The following GRID2 variants were observed in gnomAD, a reference collection of about 807,000 sequenced individuals.
GRID2 encodes glutamate ionotropic receptor delta type subunit 2.
In GRID2, 33 loss-of-function variants were observed where a neutral mutation model predicts 114.8. That is an observed-to-expected ratio of 0.29 (90% CI 0.22 to 0.38). The LOEUF (loss-of-function observed/expected upper bound fraction) is 0.38. Ranked by LOEUF, GRID2 falls within the 10% of genes least tolerant of loss-of-function variation. The probability of loss-of-function intolerance (pLI) is 1.00; values close to 1 mark genes in which losing one functional copy is unlikely to be tolerated. For synonymous variants in GRID2, 505 were observed against 449.9 expected (o/e 1.12, Z -1.55); for missense variants, 1,184 against 1,257.7 (o/e 0.94, Z 0.89).
chr4:93,370,801 C>T (rs1013315006), intron 8 of GRID2, among the ~76,000 whole-genome samples: 18 of 152,228 alleles, frequency 1.2e-4, no homozygotes, highest in African/African-American at 4.3e-4. Context: ...GTTTTTTAGA[C>T]TATGACCACC....
At chr4:93,629,646 T>C (rs1482671384) in intron 14 of GRID2, among the ~76,000 whole-genome samples, 1 of 152,198 alleles carries the variant, frequency 6.6e-6, no homozygotes, top group Non-Finnish European at 1.5e-5. Context: ...CATATTACTA[T>C]TGTGATTATT....
chr4:92,740,104 A>C (rs2149330708), intron 2 of GRID2, among the ~76,000 whole-genome samples: 1 of 152,226 alleles, frequency 6.6e-6, no homozygotes, highest in Non-Finnish European at 1.5e-5. Flanking sequence ...TCTTCCTTTG[A>C]GATTTTCTTT....
At chr4:92,364,960 A>G (rs568079267) in intron 1 of GRID2, among the ~76,000 whole-genome samples, 2 of 152,204 alleles carry the variant, frequency 1.3e-5, no homozygotes, top group African/African-American at 4.8e-5. Flanking sequence ...TTCCTTCATC[A>G]ATTTTTAAGA....
At chr4:93,528,586 C>T (rs1365357503) in intron 13 of GRID2, among the ~76,000 whole-genome samples, 7 of 152,076 alleles carry the variant, frequency 4.6e-5, no homozygotes, top group Non-Finnish European at 1.0e-4. Flanking sequence ...TCACATTATG[C>T]TCCAATAAAA....
intron 14 of GRID2, among the ~76,000 whole-genome samples, chr4:93,749,447 G>A (rs980577438): frequency 1.3e-4 from 20 of 152,282 alleles, no homozygotes; most frequent in African/African-American, 4.6e-4. Context: ...CATAGCTTCT[G>A]TGCTTCATAG....
At chr4:93,285,539 C>G (rs112558160) in intron 8 of GRID2, among the ~76,000 whole-genome samples, 2 of 151,984 alleles carry the variant, frequency 1.3e-5, no homozygotes, top group Admixed American at 1.3e-4. Flanking sequence ...AAATAGCTGA[C>G]ACTGTGAAAT....
chr4:92,637,152 T>G (rs1731104162), intron 2 of GRID2, among the ~76,000 whole-genome samples: 1 of 151,634 alleles, frequency 6.6e-6, no homozygotes, highest in Non-Finnish European at 1.5e-5. Flanking sequence ...TTTGAATAAT[T>G]GCCTTTCAAA....
rs181824355 is a variant in GRID2 at position 92,393,958 on chromosome 4, A to G, written c.88+89214A>G. Among the ~76,000 whole-genome samples the G allele has an allele frequency of 2.6e-5, 4 of 152,240 alleles. No homozygotes were observed. In the East Asian group the frequency reaches 7.7e-4, roughly 29 times the overall value. Reference sequence around the variant, plus strand: ...ATACTGGTACTGGTCACTGGTTACCACTTTTAACTGAAAGGAACTTGAGTG... The same window carrying G: ...ATACTGGTACTGGTCACTGGTTACCGCTTTTAACTGAAAGGAACTTGAGTG... On this transcript the variant is annotated intron_variant, in intron 1 of 15. Transcript: ENST00000282020.
chr4:92,706,943 G>A (rs1734984416), intron 2 of GRID2, among the ~76,000 whole-genome samples: 2 of 151,780 alleles, frequency 1.3e-5, no homozygotes, highest in Admixed American at 6.6e-5. Flanking sequence ...TCACCAATTC[G>A]ACATACTATA....
chr4:92,435,271 C>T (rs146621600), intron 1 of GRID2, among the ~76,000 whole-genome samples: 5 of 152,236 alleles, frequency 3.3e-5, no homozygotes, highest in African/African-American at 1.2e-4. Context: ...TTATTTCAAC[C>T]TGAGTGTAGC....
chr4:93,704,079 C>T (rs1432441040), intron 14 of GRID2, among the ~76,000 whole-genome samples: 1 of 152,158 alleles, frequency 6.6e-6, no homozygotes, highest in Non-Finnish European at 1.5e-5. Context: ...ACACTGACTT[C>T]CACAATGGTT....
intron 1 of GRID2, among the ~76,000 whole-genome samples, chr4:92,385,182 T>C (rs1159763079): frequency 6.6e-6 from 1 of 151,864 alleles, no homozygotes; most frequent in Non-Finnish European, 1.5e-5. Flanking sequence ...ACAGTTAGGA[T>C]GCACCTATTC....
At chr4:93,199,221 G>C (rs754857603) in intron 4 of GRID2, among the ~76,000 whole-genome samples, 19 of 152,106 alleles carry the variant, frequency 1.2e-4, no homozygotes, top group Non-Finnish European at 2.8e-4. Flanking sequence ...AACTCACAGA[G>C]AATTAAAGAC....
intron 4 of GRID2, among the ~76,000 whole-genome samples, chr4:93,149,463 C>T (rs1388218761): frequency 6.6e-6 from 1 of 151,734 alleles, no homozygotes; most frequent in Admixed American, 6.6e-5. Flanking sequence ...GTAGTCTCAG[C>T]TACTTGGGAG....
At chr4:93,250,972 G>A (rs1029289763) in intron 8 of GRID2, among the ~76,000 whole-genome samples, 1 of 151,722 alleles carries the variant, frequency 6.6e-6, no homozygotes, top group Non-Finnish European at 1.5e-5. Context: ...TTTTTACTAG[G>A]ACCTTAAACA....
At chr4:93,237,764 T>A (rs949087503) in intron 7 of GRID2, among the ~76,000 whole-genome samples, 2 of 151,846 alleles carry the variant, frequency 1.3e-5, no homozygotes, top group African/African-American at 4.8e-5. Context: ...AGCTTGGAAT[T>A]CCCAGAGAAT....
intron 13 of GRID2, among the ~76,000 whole-genome samples, chr4:93,603,383 G>A (rs989844812): frequency 2.6e-5 from 4 of 152,156 alleles, no homozygotes; most frequent in Admixed American, 1.3e-4. Context: ...TCACCTCTAT[G>A]AGAAACATGA....
chr4:93,498,235 G>C (rs114005004), intron 12 of GRID2, among the ~76,000 whole-genome samples: 1 of 151,790 alleles, frequency 6.6e-6, no homozygotes, highest in South Asian at 2.1e-4. Flanking sequence ...GTGAGGGCCA[G>C]GTTTCTGCTT....
At chr4:92,333,300 G>A (rs1317414073) in intron 1 of GRID2, among the ~76,000 whole-genome samples, 1 of 152,218 alleles carries the variant, frequency 6.6e-6, no homozygotes, top group Non-Finnish European at 1.5e-5. Context: ...TGGTGGCCAA[G>A]GAACACTGCA....
Sources: allele counts gnomAD v4.1 joint callset (sites outside exome capture counted in the v4.1 genomes callset), GRCh38; gene constraint gnomAD v4.1.1; transcripts MANE v1.5; gene names NCBI Gene and HGNC (gene_info 2026-07-23, HGNC 2026-07-21).